The following GBP7 variants were observed in gnomAD, a reference collection of about 807,000 sequenced individuals.
GBP7 encodes guanylate-binding protein 7.
In GBP7, 43 loss-of-function variants were observed where a neutral mutation model predicts 61.3. That is an observed-to-expected ratio of 0.70 (90% CI 0.55 to 0.91). The LOEUF (loss-of-function observed/expected upper bound fraction) is 0.91. Ranked by LOEUF, GBP7 falls within the 40% of genes least tolerant of loss-of-function variation. The probability of loss-of-function intolerance (pLI) is 0.00; values close to 1 mark genes in which losing one functional copy is unlikely to be tolerated. For missense variants in GBP7, 717 were observed against 740.5 expected (o/e 0.97, Z 0.37); for synonymous variants, 267 against 271.0 (o/e 0.99, Z 0.14).
chr1:89,169,072 GA>G (rs1212902325), intron 2 of GBP7, among the ~76,000 whole-genome samples: 2 of 152,088 alleles, frequency 1.3e-5, no homozygotes, highest in African/African-American at 4.8e-5. Context: ...AAGGCAAATG[GA>G]AAATCTCAAA....
chr1:89,175,558 C>T lies in GBP7; in HGVS notation c.-20+363G>A, dbSNP rs376880978. Among the ~76,000 whole-genome samples, 55 of 152,280 alleles carry T rather than the reference C, an allele frequency of 3.6e-4. 6 individuals are homozygous for T. The highest frequency in any genetic ancestry group is 8.5e-4 in the Admixed American group (13 of 15,284). On this transcript the variant is annotated intron_variant, in intron 1 of 10. Coordinates refer to ENST00000294671, the MANE Select transcript of GBP7 (RefSeq NM_207398.3). ...TATAATAATGTGTTGCCTCTTTTTGCAGATCCCAAGTTGCCTACCTTCATT... is the reference window on the plus strand; with the variant it reads ...TATAATAATGTGTTGCCTCTTTTTGTAGATCCCAAGTTGCCTACCTTCATT...
intron 8 of GBP7, among the ~76,000 whole-genome samples, chr1:89,143,107 C>T (rs1681990888): frequency 6.6e-6 from 1 of 152,124 alleles, no homozygotes. Flanking sequence ...TAAAACCAAA[C>T]AGTTTTCCAA....
At chr1:89,165,860 T>C (rs1489520521) in intron 2 of GBP7, among the ~76,000 whole-genome samples, 1 of 152,074 alleles carries the variant, frequency 6.6e-6, no homozygotes, top group African/African-American at 2.4e-5. Context: ...GACACGTGTA[T>C]ACCTACGTAA....
chr1:89,146,952 C>T (rs201469294), intron 8 of GBP7, among the ~76,000 whole-genome samples: 1 of 152,326 alleles, frequency 6.6e-6, no homozygotes, highest in East Asian at 1.9e-4. Context: ...ATCAGCCCAT[C>T]AGCTCCACCA....
intron 8 of GBP7, among the ~76,000 whole-genome samples, chr1:89,144,988 C>T: frequency 7.3e-6 from 1 of 136,858 alleles, no homozygotes; most frequent in East Asian, 2.1e-4. Flanking sequence ...GAGTCTCGCT[C>T]TGTCACCAAG....
At chr1:89,174,541 C>A (rs926007291) in intron 1 of GBP7, among the ~76,000 whole-genome samples, 2 of 152,178 alleles carry the variant, frequency 1.3e-5, no homozygotes, top group African/African-American at 4.8e-5. Context: ...TAATCTTCAC[C>A]TGGGAAACAT....
rs1277847947 is a variant in GBP7, at chr1:89,175,904, A to G, written c.-20+17T>C. On this transcript the variant is annotated intron_variant, in intron 1 of 10. Coordinates refer to ENST00000294671, the MANE Select transcript of GBP7 (RefSeq NM_207398.3). ...GATCCTTATAAATCATGAAATCCTT[A>G]TAAGTCATAGTCTTACCCAGAGTAG... is the stretch of plus-strand genomic sequence containing the variant. The G allele has an allele frequency of 6.6e-6, 1 of 152,230 alleles. No individual in the cohort carries two copies. Among genetic ancestry groups the G allele is most frequent in the African/African-American group, 2.4e-5 (1 of 41,456 alleles). 9.4% of individuals were successfully genotyped at this position (152,230 alleles called of 1,614,324 possible).
chr1:89,132,439 C>T, intron 10 of GBP7, 36 bp from the exon 11 acceptor site: 3 of 1,520,652 alleles, frequency 2.0e-6, no homozygotes, highest in Non-Finnish European at 2.7e-6. Context: ...TGAAAATCCC[C>T]AATTTTTAAG....
At chr1:89,140,013 T>C (rs1041761370) in intron 9 of GBP7, among the ~76,000 whole-genome samples, 1 of 152,070 alleles carries the variant, frequency 6.6e-6, no homozygotes, top group Non-Finnish European at 1.5e-5. Context: ...TGCGGCACTA[T>C]TCACAATAGC....
intron 3 of GBP7, among the ~76,000 whole-genome samples, chr1:89,163,907 T>G (rs1647345498): frequency 6.6e-6 from 1 of 152,098 alleles, no homozygotes; most frequent in South Asian, 2.1e-4. Flanking sequence ...TCTCACTCTG[T>G]CACTCAGGCT....
chr1:89,161,125 G>A (rs868655142), intron 3 of GBP7, among the ~76,000 whole-genome samples: 1 of 151,988 alleles, frequency 6.6e-6, no homozygotes, highest in African/African-American at 2.4e-5. Flanking sequence ...TTCTTTTATG[G>A]CTGCATAGTA....
intron 9 of GBP7, among the ~76,000 whole-genome samples, chr1:89,135,924 A>T (rs1233361858): frequency 6.6e-6 from 1 of 152,242 alleles, no homozygotes; most frequent in African/African-American, 2.4e-5. Flanking sequence ...GACCAATCTC[A>T]TATGCAATTA....
chr1:89,159,451 C>A (rs566475411), intron 3 of GBP7, among the ~76,000 whole-genome samples: 6 of 152,230 alleles, frequency 3.9e-5, no homozygotes, highest in Admixed American at 3.3e-4. Flanking sequence ...AAAATGTTTA[C>A]AATTTACCCA....
At chr1:89,153,096 G>C (rs1682242108) in intron 3 of GBP7, among the ~76,000 whole-genome samples, 1 of 152,160 alleles carries the variant, frequency 6.6e-6, no homozygotes, top group African/African-American at 2.4e-5. Flanking sequence ...TATGAGGAGA[G>C]CATCTTGGTA....
chr1:89,133,587 A>G (rs1681727907), intron 9 of GBP7, 136 bp from the exon 10 acceptor site: 3 of 680,006 alleles, frequency 4.4e-6, no homozygotes, highest in Non-Finnish European at 5.0e-6. Context: ...ATAAACTCCA[A>G]GCAGGACTTC....
chr1:89,156,487 C>G (rs1322653559), intron 3 of GBP7, among the ~76,000 whole-genome samples: 1 of 152,122 alleles, frequency 6.6e-6, no homozygotes, highest in African/African-American at 2.4e-5. Flanking sequence ...CACATAGTCT[C>G]AAGATAAAGG....
intron 3 of GBP7, among the ~76,000 whole-genome samples, chr1:89,157,901 A>G (rs533231102): frequency 6.6e-6 from 1 of 152,210 alleles, no homozygotes; most frequent in African/African-American, 2.4e-5. Context: ...CAGAGACACA[A>G]CAGCAAAAAA....
In GBP7 at chr1:89,171,904, A is replaced by T; in HGVS notation, c.32T>A (p.Val11Glu). The change falls in exon 2 of 11, where the codon GTG (valine) becomes GAG (glutamate). Residue 11 changes from valine to glutamate, a missense_variant. Around this residue, in one of 3 missense-constraint regions of GBP7, gnomAD observed 387 missense variants for 385.2 expected, o/e 1.00. Transcript: ENST00000294671. The stretch of plus-strand genomic sequence containing the variant: ...CCCTTTAGTGTTCTCAGTGAGGCAC[A>T]CTGGGCCTGGCATGTGGATCTCTGA... The part of the protein sequence containing the change: MASEIHMPGP[V>E]CLTENTKGHL... The T allele has an allele frequency of 3.1e-6, 5 of 1,613,320 alleles. No homozygotes were observed. Among genetic ancestry groups the T allele is most frequent in the Non-Finnish European group, 4.2e-6 (5 of 1,179,430 alleles).
At chr1:89,152,605 C>T in intron 4 of GBP7, 63 bp downstream of exon 4, 2 of 1,536,308 alleles carry the variant, frequency 1.3e-6, no homozygotes, top group African/African-American at 1.4e-5. Context: ...AAAGAAGACA[C>T]AGTATCAGTT....
Sources: allele counts gnomAD v4.1 joint callset (sites outside exome capture counted in the v4.1 genomes callset), GRCh38; gene constraint gnomAD v4.1.1; regional missense constraint gnomAD v4.1.1; transcripts MANE v1.5; gene names NCBI Gene and HGNC (gene_info 2026-07-23, HGNC 2026-07-21).